Variants in FLT3 observed in about 807,000 individuals in gnomAD.
The protein encoded by FLT3 is fms related receptor tyrosine kinase 3.
FLT3 carries 46 observed loss-of-function variants against 126.6 expected under a neutral mutation model. The observed-to-expected ratio is 0.36, with a 90% CI of 0.29 to 0.46. The LOEUF is 0.46. FLT3 is among the 20% of genes least tolerant of loss of function. FLT3 has a pLI of 1.00. For missense variants in FLT3, 1,069 were observed against 1,190.3 expected (o/e 0.90, Z 1.50); for synonymous variants, 404 against 434.4 (o/e 0.93, Z 0.87).
At chr13:28,073,407 G>A (rs755958790) in intron 1 of FLT3, 3 of 443,728 alleles carry the variant, frequency 6.8e-6, no homozygotes, top group East Asian at 6.4e-5. Context: ...TGTAGATAGC[G>A]ACAGGAGGTA....
intron 14 of FLT3, 38 bp downstream of exon 14, chr13:28,034,044 G>T (rs1441552470): frequency 6.2e-7 from 1 of 1,613,314 alleles, no homozygotes; most frequent in Non-Finnish European, 8.5e-7. Flanking sequence ...CAATGGAAAA[G>T]AAATGCTGCA....
At chr13:28,072,769 C>T (rs143005859) in intron 1 of FLT3, among the ~76,000 whole-genome samples, 26,988 of 150,456 alleles carry the variant, frequency 0.18, 2,457 homozygotes, top group Middle Eastern at 0.26. Context: ...TTTGGGAGGC[C>T]GAGGCGGGTG....
intron 2 of FLT3, among the ~76,000 whole-genome samples, chr13:28,065,833 A>T (rs1876979942): frequency 6.7e-6 from 1 of 149,944 alleles, no homozygotes; most frequent in Non-Finnish European, 1.5e-5. Flanking sequence ...GTCTCAAAGT[A>T]ATAATAATAA....
rs1479603384 is a variant in FLT3, at chr13:28,018,478, C to T, written c.2530G>A (p.Val844Ile). The T allele has an allele frequency of 4.3e-6, 7 of 1,613,962 alleles. No individual in the cohort carries two copies. The Admixed American group carries it at 1.2e-4, about 27-fold the overall frequency. The change falls in exon 20 of 24, where the codon GTC (valine) becomes ATC (isoleucine). Residue 844 changes from valine to isoleucine, a missense_variant. Transcript: ENST00000241453. ...RDIMSDSNYV[V>I]RGNARLPVKW... ...AATAGCAGCCTCACATTGCCCCTGA[C>T]AACATAGTTGGAATCACTCATGATA...
At chr13:28,046,290 A>G (rs1874869580) in intron 9 of FLT3, among the ~76,000 whole-genome samples, 1 of 152,196 alleles carries the variant, frequency 6.6e-6, no homozygotes, top group Admixed American at 6.5e-5. Context: ...TGAGATTCTA[A>G]AAGTCCCAAC....
chr13:28,021,473 G>A (rs1480488063), intron 19 of FLT3, among the ~76,000 whole-genome samples: 1 of 152,154 alleles, frequency 6.6e-6, no homozygotes, highest in Non-Finnish European at 1.5e-5. Context: ...CAAGATGCGC[G>A]AGCAAGAAGA....
Position 28,100,538 on chromosome 13 carries a change from C to G in FLT3, c.-28G>C, listed in dbSNP as rs539159566. The G allele has an allele frequency of 3.6e-4, 440 of 1,209,238 alleles. 3 individuals carry two copies. In the East Asian group the frequency reaches 0.014, roughly 38 times the overall value. The allele number at this position is 1,209,238 out of a possible 1,614,324, so 74.9% of individuals were successfully genotyped here. A position where few individuals can be genotyped will look rare whatever the true frequency, so the allele number is the denominator to read the frequency against. On this transcript the variant is annotated 5_prime_UTR_variant, in exon 1 of 24. Transcript: ENST00000241453. This position sits in a 1 kb window ranked among gnomAD's most constrained non-coding sequence, Gnocchi z 4.8. ...CCTCCGGAGCCCGGGGTCCCCAGGC[C>G]GCGCCGGCCCAGCCCTGCGATGCCG...
chr13:28,072,373 G>T (rs189938914), intron 1 of FLT3, among the ~76,000 whole-genome samples: 1 of 151,952 alleles, frequency 6.6e-6, no homozygotes, highest in East Asian at 1.9e-4. Flanking sequence ...GAACATTTAA[G>T]ATCTACTCTC....
Position 28,037,245 on chromosome 13 carries a change from T to G in FLT3, c.1249A>C (p.Ile417Leu), listed in dbSNP as rs56090538. The G allele has an allele frequency of 1.8e-3, 2,868 of 1,612,380 alleles. 56 individuals carry two copies. The African/African-American group carries it at 0.031, about 17-fold the overall frequency. The stretch of plus-strand genomic sequence containing the variant: ...GCATCATCATTTTCTGCATGGAATA[T>G]ATATTCTCCTGGCTGGTGCTTATGA... ...CNHKHQPGEY[I>L]FHAENDDAQF... Residue 417 changes from isoleucine (I) to leucine (L), a missense_variant, in exon 10 of 24, where the codon ATA becomes CTA. Ile to Leu is a conservative substitution (Grantham distance 5, BLOSUM62 2). Transcript: ENST00000241453.
At position 28,062,217 on chromosome 13, in the gene FLT3, C is replaced by T. The variant is rs1319106; in HGVS notation, c.166-148G>A. 99,133 of 606,642 alleles carry T rather than the reference C, an allele frequency of 0.16. 8,891 individuals are homozygous for T. Among genetic ancestry groups the T allele is most frequent in the Middle Eastern group, 0.24 (542 of 2,238 alleles). 37.6% of individuals were successfully genotyped at this position (606,642 alleles called of 1,614,324 possible). A position where few individuals can be genotyped will look rare whatever the true frequency, so the allele number is the denominator to read the frequency against. ...CTGGAACCCACTGAGAACACGTTGC[C>T]GACTGAAGGTCCTATTAATTATAAT... On this transcript the variant is annotated intron_variant, in intron 2 of 23. Transcript: ENST00000241453.
chr13:28,051,027 T>C (rs1875404957), intron 5 of FLT3, among the ~76,000 whole-genome samples: 1 of 152,204 alleles, frequency 6.6e-6, no homozygotes, highest in South Asian at 2.1e-4. Flanking sequence ...AGCAATCCTA[T>C]AAGTATCTGT....
chr13:28,066,703 G>A (rs1425386630), intron 2 of FLT3, among the ~76,000 whole-genome samples: 1 of 152,120 alleles, frequency 6.6e-6, no homozygotes, highest in Non-Finnish European at 1.5e-5. Context: ...GAAAGGGGCA[G>A]TGCTTCCTTA....
rs372571954 is a variant in FLT3 at position 28,033,875 on chromosome 13, A to G, written c.1942+12T>C. 2.8e-4 allele frequency: 452 copies of G among 1,601,342 alleles called. No homozygotes were observed. The highest frequency in any genetic ancestry group is 3.7e-4 in the Non-Finnish European group (434 of 1,168,844). On this transcript the variant is annotated intron_variant, in intron 15 of 23. Transcript: ENST00000241453. The stretch of plus-strand genomic sequence containing the variant: ...TGTGCATCTTTGTTGCTGTCCTTCC[A>G]CTATACTGTACCTTTCAGCATTTTG...
At chr13:28,046,575 A>G (rs983142289) in intron 9 of FLT3, among the ~76,000 whole-genome samples, 3 of 152,204 alleles carry the variant, frequency 2.0e-5, no homozygotes, top group Non-Finnish European at 4.4e-5. Flanking sequence ...TATATAATCA[A>G]TGTAAAAATT....
chr13:28,032,998 C>T (rs922268495), intron 15 of FLT3, among the ~76,000 whole-genome samples: 2 of 152,004 alleles, frequency 1.3e-5, no homozygotes, highest in Admixed American at 6.6e-5. Flanking sequence ...GATGGAGCAA[C>T]GAAGTGAGGA....
chr13:28,083,765 A>G (rs1878476772), intron 1 of FLT3, among the ~76,000 whole-genome samples: 1 of 152,152 alleles, frequency 6.6e-6, no homozygotes, highest in African/African-American at 2.4e-5. Context: ...AAGTATAGGT[A>G]TAAAGTTGTT....
At chr13:28,081,612 C>T (rs967198057) in intron 1 of FLT3, among the ~76,000 whole-genome samples, 11 of 152,030 alleles carry the variant, frequency 7.2e-5, no homozygotes, top group East Asian at 1.9e-4. Flanking sequence ...CGTCTTAATA[C>T]GTTGGCTAAA....
chr13:28,012,049 C>T (rs1871438392), intron 23 of FLT3, among the ~76,000 whole-genome samples: 1 of 152,166 alleles, frequency 6.6e-6, no homozygotes, highest in Admixed American at 6.5e-5. Context: ...CCACCTCAGC[C>T]TCCCAAAGTG....
Position 28,049,764 on chromosome 13 carries a change from T to C in FLT3, c.753A>G (p.Gln251=), listed in dbSNP as rs755162946. ...CTRLFTIDLN[Q]TPQTTLPQLF... ...ATTGTGGCAATGTGGTCTGAGGAGT[T>C]TGATTTAGATCTAGGAGATGAAAAC... The change falls in exon 7 of 24, where the codon CAA becomes CAG. Residue 251 remains glutamine (Q), a synonymous_variant. Transcript: ENST00000241453. The C allele has an allele frequency of 2.9e-5, 46 of 1,613,304 alleles. No individual in the cohort carries two copies. Among genetic ancestry groups the C allele is most frequent in the Non-Finnish European group, 3.7e-5 (44 of 1,179,854 alleles).
Sources: gnomAD v4.1 joint callset for allele counts (sites outside exome capture counted in the v4.1 genomes callset) on GRCh38, gnomAD v4.1.1 for gene constraint, Gnocchi (gnomAD v3.1) non-coding constraint, MANE v1.5 for transcripts, NCBI Gene and HGNC (gene_info 2026-07-23, HGNC 2026-07-21) for gene names.